CFAP97D2: variants seen among roughly 807,000 people sequenced by gnomAD.
CFAP97D2 encodes CFAP97 domain containing 2, also known as uncharacterized protein CFAP97D2.
intron 3 of CFAP97D2, among the ~76,000 whole-genome samples, chr13:114,200,971 C>G (rs1422171960): frequency 6.6e-6 from 1 of 152,232 alleles, no homozygotes; most frequent in East Asian, 1.9e-4. Context: ...GGAAAAAACA[C>G]CGAAAATCAT....
chr13:114,222,758 C>T (rs974534213), downstream of CFAP97D2: 28 of 382,780 alleles, frequency 7.3e-5, no homozygotes, highest in African/African-American at 4.6e-4. The surrounding 1 kb of genome is among the most constrained non-coding windows in gnomAD (Gnocchi z 4.4). Context: ...TTATCACAGC[C>T]GGAGCAGCTG....
intron 4 of CFAP97D2, among the ~76,000 whole-genome samples, chr13:114,221,667 A>G (rs1169805131): frequency 6.6e-6 from 1 of 152,200 alleles, no homozygotes; most frequent in Non-Finnish European, 1.5e-5. Flanking sequence ...TACATATGTA[A>G]CAAACCTGCA....
At chr13:114,219,749 G>A (rs1329449898) in intron 4 of CFAP97D2, among the ~76,000 whole-genome samples, 1 of 152,214 alleles carries the variant, frequency 6.6e-6, no homozygotes, top group Admixed American at 6.5e-5. Context: ...GGGAAACATG[G>A]GAAACGACTC....
chr13:114,180,074 G>C (rs937876081), intron 1 of CFAP97D2, among the ~76,000 whole-genome samples: 1 of 152,226 alleles, frequency 6.6e-6, no homozygotes, highest in African/African-American at 2.4e-5. Context: ...TTGTTTGAGG[G>C]CATCGCCATG....
At position 114,189,460 on chromosome 13, in the gene CFAP97D2, G is replaced by A. The variant is rs933124153; in HGVS notation, c.91-6936G>A. On this transcript the variant is annotated intron_variant, in intron 1 of 4. Coordinates refer to ENST00000646158, the Ensembl canonical transcript of CFAP97D2. This position sits in a 1 kb window ranked among gnomAD's most constrained non-coding sequence, Gnocchi z 4.5. ...TCGCTTTCAGAGGACTGAAGCAGTGGGAATACCTCCTGTATGTATTCTGTG... is the reference window on the plus strand; with the variant it reads ...TCGCTTTCAGAGGACTGAAGCAGTGAGAATACCTCCTGTATGTATTCTGTG... 5.3e-5 allele frequency among the ~76,000 whole-genome samples: 8 copies of A among 152,080 alleles called. No homozygotes were observed. The highest frequency in any genetic ancestry group is 2.0e-4 in the Admixed American group (3 of 15,276).
intron 4 of CFAP97D2, among the ~76,000 whole-genome samples, chr13:114,219,942 T>A (rs906461106): frequency 3.3e-5 from 5 of 151,770 alleles, no homozygotes; most frequent in African/African-American, 1.2e-4. Flanking sequence ...GGTCTGCAGT[T>A]TTGAACTACT....
chr13:114,205,441 C>G lies in CFAP97D2; in HGVS notation c.290+4998C>G, dbSNP rs1035924105. ...ACCTTGTTGAACTTGTGGATTAGTTCTACAGCTTTTTAGTGCATTCCTTAA... is the reference window on the plus strand; with the variant it reads ...ACCTTGTTGAACTTGTGGATTAGTTGTACAGCTTTTTAGTGCATTCCTTAA... On this transcript the variant is annotated intron_variant, in intron 3 of 4. Transcript: ENST00000646158. Among the ~76,000 whole-genome samples, 4 of 152,114 alleles carry G rather than the reference C, an allele frequency of 2.6e-5. No homozygotes were observed. The South Asian group carries it at 6.2e-4, about 24-fold the overall frequency.
At chr13:114,194,240 A>G (rs2080878257) in intron 1 of CFAP97D2, among the ~76,000 whole-genome samples, 2 of 152,246 alleles carry the variant, frequency 1.3e-5, no homozygotes, top group African/African-American at 2.4e-5. Flanking sequence ...CACAAGGTAG[A>G]GACAAGCAAA....
At chr13:114,220,220 C>T (rs185294254) in intron 4 of CFAP97D2, among the ~76,000 whole-genome samples, 5 of 152,218 alleles carry the variant, frequency 3.3e-5, no homozygotes, top group Admixed American at 6.5e-5. Flanking sequence ...GTTCGGCCAG[C>T]TGCCAGACCT....
intron 1 of CFAP97D2, among the ~76,000 whole-genome samples, chr13:114,182,834 A>G (rs1348133594): frequency 6.6e-6 from 1 of 152,226 alleles, no homozygotes; most frequent in Non-Finnish European, 1.5e-5. Context: ...ACATCTCAGC[A>G]AAGCAATTAT....
rs183905291 is a variant in CFAP97D2 at position 114,222,108 on chromosome 13, G to C, written c.481-390G>C. ...GTGAAAAAGCTGGATACTAAATGCC[G>C]CATGTTGTCTGATCCCTTTTATATG... On this transcript the variant is annotated intron_variant, in intron 4 of 4. Transcript: ENST00000646158. The surrounding 1 kb of genome is among the most constrained non-coding windows in gnomAD (Gnocchi z 4.4). Among the ~76,000 whole-genome samples, 1 of 152,304 alleles carries C rather than the reference G, an allele frequency of 6.6e-6. No individual in the cohort carries two copies. Among genetic ancestry groups the C allele is most frequent in the Non-Finnish European group, 1.5e-5 (1 of 68,028 alleles).
At chr13:114,202,464 T>C (rs1404784735) in intron 3 of CFAP97D2, among the ~76,000 whole-genome samples, 2 of 152,096 alleles carry the variant, frequency 1.3e-5, no homozygotes, top group African/African-American at 2.4e-5. Context: ...AGAAGAAACA[T>C]ATATTCAAGA....
intron 2 of CFAP97D2, among the ~76,000 whole-genome samples, chr13:114,199,136 T>C (rs1330552248): frequency 2.4e-4 from 9 of 36,882 alleles, no homozygotes; most frequent in East Asian, 1.0e-3. Flanking sequence ...CGGTCCCCAC[T>C]GAGGCGTGAC....
At position 114,222,416 on chromosome 13, in the gene CFAP97D2, A is replaced by C. The variant is rs746317673; in HGVS notation, c.481-82A>C. On this transcript the variant is annotated intron_variant, in intron 4 of 4. Transcript: ENST00000646158. The surrounding 1 kb of genome is among the most constrained non-coding windows in gnomAD (Gnocchi z 4.4). ...AGTAAAGACTTGTCAATGAGTTGAA[A>C]TATTCCATTTCCCAAGTAAGTTGAT... The C allele has an allele frequency of 1.5e-4, 61 of 398,236 alleles. No homozygotes were observed. The highest frequency in any genetic ancestry group is 1.8e-4 in the Non-Finnish European group (40 of 226,026). 24.7% of individuals were successfully genotyped at this position (398,236 alleles called of 1,614,324 possible). A position where few individuals can be genotyped will look rare whatever the true frequency, so the allele number is the denominator to read the frequency against.
In CFAP97D2 at chr13:114,182,027, G is replaced by A. The variant is rs1366293709; in HGVS notation, c.90+2607G>A. Among the ~76,000 whole-genome samples the A allele has an allele frequency of 1.5e-3, 228 of 151,992 alleles. 2 individuals are homozygous for A. The highest frequency in any genetic ancestry group is 5.1e-3 in the African/African-American group (211 of 41,296). On this transcript the variant is annotated intron_variant, in intron 1 of 4. Coordinates refer to ENST00000646158, the Ensembl canonical transcript of CFAP97D2. Reference sequence around the variant, plus strand: ...ATAGAGAAATAACAGTGGGCCCAGGGGACCGGCGCTCAGCATACCAAGGAC... The same window carrying A: ...ATAGAGAAATAACAGTGGGCCCAGGAGACCGGCGCTCAGCATACCAAGGAC...
intron 4 of CFAP97D2, among the ~76,000 whole-genome samples, chr13:114,219,564 G>A (rs2081010755): frequency 1.3e-5 from 2 of 152,194 alleles, no homozygotes. Flanking sequence ...GAAAACAGAA[G>A]CACTAGAAAG....
intron 1 of CFAP97D2, among the ~76,000 whole-genome samples, chr13:114,191,899 A>G (rs931783325): frequency 1.5e-4 from 23 of 152,344 alleles, no homozygotes; most frequent in African/African-American, 5.5e-4. Flanking sequence ...TTCAATTCTA[A>G]AAAGAAATGA....
At position 114,207,767 on chromosome 13, in the gene CFAP97D2, T is replaced by C. The variant is rs1002698006; in HGVS notation, c.291-4145T>C. ...GAAAACTGATTAGATCATTGTTCTT[T>C]GCTTGTAAATGTTCTCATGTAGCCA... On this transcript the variant is annotated intron_variant, in intron 3 of 4. Coordinates refer to ENST00000646158, the Ensembl canonical transcript of CFAP97D2. This position sits in a 1 kb window ranked among gnomAD's most constrained non-coding sequence, Gnocchi z 4.9. Among the ~76,000 whole-genome samples, 1 of 152,220 alleles carries C rather than the reference T, an allele frequency of 6.6e-6. No homozygotes were observed. The highest frequency in any genetic ancestry group is 1.5e-5 in the Non-Finnish European group (1 of 68,028).
intron 1 of CFAP97D2, among the ~76,000 whole-genome samples, chr13:114,188,592 A>G (rs1424504787): frequency 6.6e-6 from 1 of 151,980 alleles, no homozygotes; most frequent in African/African-American, 2.4e-5. Flanking sequence ...CCTGGCTAAC[A>G]CGGTGAAACC....
Sources: allele counts gnomAD v4.1 joint callset (sites outside exome capture counted in the v4.1 genomes callset), GRCh38; gene constraint gnomAD v4.1.1; non-coding constraint Gnocchi (gnomAD v3.1); transcripts MANE v1.5; gene names NCBI Gene and HGNC (gene_info 2026-07-23, HGNC 2026-07-21).